Variants in ROBO2 observed in about 807,000 individuals in gnomAD.
ROBO2 encodes roundabout guidance receptor 2.
Under a neutral mutation model 160.8 loss-of-function variants are expected in ROBO2, and 53 were observed. The ratio of observed to expected loss-of-function variants is 0.33; its 90% CI spans 0.26 to 0.41. The LOEUF (loss-of-function observed/expected upper bound fraction) is 0.41, where lower values mean the gene tolerates loss of function less well. ROBO2 is among the 10% of genes least tolerant of loss of function. ROBO2 has a pLI of 1.00. For synonymous variants in ROBO2, 664 were observed against 611.7 expected (o/e 1.09, Z -1.26); for missense variants, 1,577 against 1,722.4 (o/e 0.92, Z 1.49).
chr3:77,082,231 G>A lies in ROBO2; in HGVS notation c.62-15783G>A, dbSNP rs78858793. Among the ~76,000 whole-genome samples, 1,384 of 152,310 alleles carry A rather than the reference G, an allele frequency of 9.1e-3. 20 individuals are homozygous for A. The highest frequency in any genetic ancestry group is 0.032 in the African/African-American group (1,347 of 41,574). ...TGCTAACATTTGTTATTGCTATTGT[G>A]ATAGTGATTAAGTGCCATCTAAAAA... On this transcript the variant is annotated intron_variant, in intron 1 of 25. Transcript: ENST00000461745.
At chr3:76,899,813 G>A (rs2075090072) in intron 2 of ROBO2, among the ~76,000 whole-genome samples, 1 of 152,106 alleles carries the variant, frequency 6.6e-6, no homozygotes, top group African/African-American at 2.4e-5. Context: ...AGAATCAGAT[G>A]AGTCTTAGTC....
At position 77,097,961 on chromosome 3, in the gene ROBO2, G is replaced by A. The variant is rs9874095; in HGVS notation, c.62-53G>A. On this transcript the variant is annotated intron_variant, in intron 1 of 25. Transcript: ENST00000461745. ...CCATCAGGAACCCAAGTGAAACCGAGGGTTTAGATAAGGAAATGTTAAAGC... is the reference window on the plus strand; with the variant it reads ...CCATCAGGAACCCAAGTGAAACCGAAGGTTTAGATAAGGAAATGTTAAAGC... 0.25 allele frequency: 349,391 copies of A among 1,420,312 alleles called. 47,320 individuals carry two copies. Among genetic ancestry groups the A allele is most frequent in the East Asian group, 0.58 (23,861 of 41,060 alleles). The allele number at this position is 1,420,312 out of a possible 1,614,324, so 88.0% of individuals were successfully genotyped here. A position where few individuals can be genotyped will look rare whatever the true frequency, so the allele number is the denominator to read the frequency against.
intron 22 of ROBO2, among the ~76,000 whole-genome samples, chr3:77,619,611 T>C (rs979975475): frequency 8.5e-5 from 13 of 152,174 alleles, no homozygotes; most frequent in Non-Finnish European, 1.2e-4. Flanking sequence ...GACTTCATTT[T>C]GGCTCTGTCA....
intron 2 of ROBO2, among the ~76,000 whole-genome samples, chr3:76,662,096 A>G (rs1386026933): frequency 6.6e-6 from 1 of 152,120 alleles, no homozygotes; most frequent in Non-Finnish European, 1.5e-5. Context: ...GTAAGGAGAC[A>G]TATTCAATGC....
intron 2 of ROBO2, among the ~76,000 whole-genome samples, chr3:77,445,784 G>GTTTTTTTTGT (rs1560854241): frequency 9.3e-6 from 1 of 107,744 alleles, no homozygotes; most frequent in East Asian, 3.2e-4. Flanking sequence ...CAATTAAAAG[G>GTTTTTTTTGT]TTTTTTTTTG....
chr3:76,828,960 G>A (rs1373802026), intron 2 of ROBO2, among the ~76,000 whole-genome samples: 2 of 151,764 alleles, frequency 1.3e-5, no homozygotes, highest in Non-Finnish European at 2.9e-5. Context: ...TTGCCTTCCG[G>A]TCTACATCCA....
chr3:76,106,795 A>G (rs1404489562), intron 2 of ROBO2, among the ~76,000 whole-genome samples: 1 of 152,102 alleles, frequency 6.6e-6, no homozygotes, highest in Non-Finnish European at 1.5e-5. Flanking sequence ...TTATAATGGA[A>G]GGGTAATACC....
At chr3:77,457,114 C>T (rs561282675) in intron 2 of ROBO2, among the ~76,000 whole-genome samples, 22 of 152,262 alleles carry the variant, frequency 1.4e-4, no homozygotes, top group South Asian at 4.1e-4. Context: ...CTATTAGCCC[C>T]GCTTGAGTAG....
intron 2 of ROBO2, among the ~76,000 whole-genome samples, chr3:76,550,591 A>C (rs2083355053): frequency 6.6e-6 from 1 of 152,158 alleles, no homozygotes. Context: ...TCCCAGGCAC[A>C]GCTGCAACTG....
At chr3:77,324,730 C>A (rs946867481) in intron 2 of ROBO2, among the ~76,000 whole-genome samples, 62 of 147,400 alleles carry the variant, frequency 4.2e-4, no homozygotes, top group African/African-American at 1.5e-3. Flanking sequence ...TGCAGTGAGC[C>A]GAGATCGCGC....
At chr3:77,417,647 A>C (rs1413046967) in intron 2 of ROBO2, among the ~76,000 whole-genome samples, 4 of 152,118 alleles carry the variant, frequency 2.6e-5, no homozygotes, top group African/African-American at 4.8e-5. Context: ...GATTCAATAT[A>C]CTGTAAAAAC....
chr3:77,151,267 A>C (rs2077526265), intron 2 of ROBO2, among the ~76,000 whole-genome samples: 1 of 152,158 alleles, frequency 6.6e-6, no homozygotes, highest in African/African-American at 2.4e-5. Context: ...ATTAGAGCCA[A>C]AAATAGAATA....
intron 2 of ROBO2, among the ~76,000 whole-genome samples, chr3:76,842,656 C>A (rs1020816529): frequency 1.3e-5 from 2 of 151,970 alleles, no homozygotes; most frequent in African/African-American, 4.8e-5. Flanking sequence ...ATGCGAGAAC[C>A]GATATTGTTA....
In ROBO2 at chr3:76,079,469, A is replaced by T. The variant is rs923343753; in HGVS notation, c.109+141867A>T. Among the ~76,000 whole-genome samples, 27 of 139,464 alleles carry T rather than the reference A, an allele frequency of 1.9e-4. No homozygotes were observed. The South Asian group carries it at 2.5e-3, about 13-fold the overall frequency. 91.5% of individuals were successfully genotyped at this position (139,464 alleles called of 152,430 possible). A position where few individuals can be genotyped will look rare whatever the true frequency, so the allele number is the denominator to read the frequency against. On this transcript the variant is annotated intron_variant, in intron 2 of 26. Coordinates refer to the ROBO2 transcript ENST00000487694. ...ACATTGAAAATTTATTTATTTATTT[A>T]TTATTATTATTAGTTTTTTTTTTTT...
intron 2 of ROBO2, among the ~76,000 whole-genome samples, chr3:76,184,998 T>C (rs1036000409): frequency 1.3e-5 from 2 of 151,764 alleles, no homozygotes; most frequent in Non-Finnish European, 2.9e-5. Flanking sequence ...GCTAGTCTCC[T>C]CTGGGAACAC....
At chr3:77,433,164 C>T (rs954689666) in intron 2 of ROBO2, among the ~76,000 whole-genome samples, 3 of 151,930 alleles carry the variant, frequency 2.0e-5, no homozygotes, top group Non-Finnish European at 2.9e-5. Flanking sequence ...GATGAGACAC[C>T]TTGCAGACAT....
chr3:77,142,710 TATTACTTCTGC>T (rs1211638059), intron 2 of ROBO2, among the ~76,000 whole-genome samples: 1 of 152,142 alleles, frequency 6.6e-6, no homozygotes, highest in Non-Finnish European at 1.5e-5. Context: ...GCACAGGGCC[TATTACTTCTGC>T]ATCTGTCTTT....
intron 8 of ROBO2, among the ~76,000 whole-genome samples, chr3:77,555,233 A>G (rs1193943812): frequency 6.6e-6 from 1 of 152,008 alleles, no homozygotes; most frequent in Non-Finnish European, 1.5e-5. Flanking sequence ...CATAGCTTTT[A>G]TACGCACTGG....
intron 2 of ROBO2, among the ~76,000 whole-genome samples, chr3:76,033,670 C>A (rs1478636778): frequency 6.6e-6 from 1 of 152,166 alleles, no homozygotes; most frequent in Non-Finnish European, 1.5e-5. Context: ...TGTCATGAGA[C>A]AGCAATATGG....
Sources: gnomAD v4.1 joint callset for allele counts (sites outside exome capture counted in the v4.1 genomes callset) on GRCh38, gnomAD v4.1.1 for gene constraint, MANE v1.5 for transcripts, NCBI Gene and HGNC (gene_info 2026-07-23, HGNC 2026-07-21) for gene names.